The following ADGRA2 variants were observed in gnomAD, a reference collection of about 807,000 sequenced individuals.
The protein encoded by ADGRA2 is G-protein coupled receptor 124.
ADGRA2 carries 61 observed loss-of-function variants against 98.7 expected under a neutral mutation model. That is an observed-to-expected ratio of 0.62 (90% CI 0.50 to 0.76). The LOEUF is 0.76. Among genes scored for constraint, ADGRA2 ranks in the 30% least tolerant of loss-of-function variants. The pLI, the probability that ADGRA2 is intolerant of heterozygous loss-of-function variation, is 0.00. For missense variants in ADGRA2, 1,712 were observed against 1,860.0 expected (o/e 0.92, Z 1.46); for synonymous variants, 858 against 831.5 (o/e 1.03, Z -0.55).
chr8:37,813,979 A>G (rs1016450323), intron 1 of ADGRA2, among the ~76,000 whole-genome samples: 2 of 152,132 alleles, frequency 1.3e-5, no homozygotes, highest in African/African-American at 4.8e-5. Flanking sequence ...GCCTTCCCAC[A>G]TCAGTTCTCT....
rs1804538013 is a variant in ADGRA2 at position 37,802,508 on chromosome 8, G to C, written c.266+4974G>C. Among the ~76,000 whole-genome samples, 1 of 152,176 alleles carries C rather than the reference G, an allele frequency of 6.6e-6. No homozygotes were observed. Reference sequence around the variant, plus strand: ...AAGAGGCCAGAGACAGAGAAGGCCAGAGCAAGCCCAGAGACTCCAGCACCC... The same window carrying C: ...AAGAGGCCAGAGACAGAGAAGGCCACAGCAAGCCCAGAGACTCCAGCACCC... On this transcript the variant is annotated intron_variant, in intron 1 of 18. Coordinates refer to ENST00000412232, the MANE Select transcript of ADGRA2 (RefSeq NM_032777.10). The surrounding 1 kb of genome is among the most constrained non-coding windows in gnomAD (Gnocchi z 4.7).
At position 37,835,405 on chromosome 8, in the gene ADGRA2, G is replaced by A. The variant is rs146237651; in HGVS notation, c.1833+7G>A. The A allele has an allele frequency of 4.2e-4, 670 of 1,603,774 alleles. 3 individuals carry two copies. In the East Asian group the frequency reaches 8.6e-3, roughly 21 times the overall value. Reference sequence around the variant, plus strand: ...GTCGTCCTTCCACATCAAGGTGGGCGCTGGGGGAGGGAGAGGGGGTGGGAG... The same window carrying A: ...GTCGTCCTTCCACATCAAGGTGGGCACTGGGGGAGGGAGAGGGGGTGGGAG... On this transcript the variant is annotated splice_region_variant and intron_variant, in intron 12 of 18. Coordinates refer to ENST00000412232, the MANE Select transcript of ADGRA2 (RefSeq NM_032777.10).
In ADGRA2 at chr8:37,797,099, C is replaced by A; in HGVS notation, c.-170C>A. 3.2e-6 allele frequency: 1 copy of A among 309,972 alleles called. No homozygotes were observed. Among genetic ancestry groups the A allele is most frequent in the Non-Finnish European group, 5.3e-6 (1 of 188,392 alleles). The allele number at this position is 309,972 out of a possible 1,614,324, so 19.2% of individuals were successfully genotyped here. On this transcript the variant is annotated 5_prime_UTR_variant, in exon 1 of 19. Transcript: ENST00000412232. This position sits in a 1 kb window ranked among gnomAD's most constrained non-coding sequence, Gnocchi z 5.3. ...CCCGCCGGGGCGCTCGCAGGACATG[C>A]CCCCGGGGCGCGGCGGCGGGGACCC...
chr8:37,827,276 A>G lies in ADGRA2; in HGVS notation c.339-1612A>G, dbSNP rs1006094632. On this transcript the variant is annotated intron_variant, in intron 2 of 18. Transcript: ENST00000412232. ...CTGTCCCTGGCTGTGCAGGGCACAG[A>G]GGACAGGGTGAGGGAGAAGGCCAGT... 6.6e-5 allele frequency among the ~76,000 whole-genome samples: 10 copies of G among 152,248 alleles called. No individual in the cohort carries two copies. The East Asian group carries it at 1.9e-3, about 29-fold the overall frequency.
In ADGRA2 at chr8:37,833,078, C is replaced by G. The variant is rs1366103941; in HGVS notation, c.1166C>G (p.Pro389Arg). Residue 389 changes from proline to arginine, a missense_variant, in exon 9 of 19, where the codon CCC becomes CGC. By Grantham distance (103) the Pro-to-Arg change is moderately radical (BLOSUM62 -2). Transcript: ENST00000412232. ...CTGCAGTATCCCTTCACCTCAGTGCCCCTGGGCGGGGGTGCCCCGGGCACC... is the reference window on the plus strand; with the variant it reads ...CTGCAGTATCCCTTCACCTCAGTGCGCCTGGGCGGGGGTGCCCCGGGCACC... ...SCLQYPFTSVPLGGGAPGTRA... is the reference protein window; with the variant it reads ...SCLQYPFTSVRLGGGAPGTRA... The G allele has an allele frequency of 6.2e-7, 1 of 1,612,948 alleles. No individual in the cohort carries two copies. Among genetic ancestry groups the G allele is most frequent in the Admixed American group, 1.7e-5 (1 of 60,032 alleles).
At position 37,836,084 on chromosome 8, in the gene ADGRA2, CACACACACACACA is replaced by C. The variant is rs1212784581; in HGVS notation, c.2050+315_2050+327del. On this transcript the variant is annotated intron_variant, in intron 13 of 18. Transcript: ENST00000412232. ...ACACACACACACACACACACACACA[CACACACACACACA>C]CCCCACAGGCCCAATGCAGACAAGT... Among the ~76,000 whole-genome samples the C allele has an allele frequency of 6.2e-3, 924 of 148,870 alleles. 22 individuals carry two copies. The highest frequency in any genetic ancestry group is 0.019 in the African/African-American group (788 of 40,438).
intron 5 of ADGRA2, 135 bp downstream of exon 5, chr8:37,829,694 A>G (rs1381311733): frequency 3.1e-6 from 3 of 967,494 alleles, no homozygotes; most frequent in Non-Finnish European, 1.6e-6. Context: ...TGCCCCCATG[A>G]TCACCTTCCC....
chr8:37,802,439 G>C lies in ADGRA2; in HGVS notation c.266+4905G>C, dbSNP rs1585962738. Among the ~76,000 whole-genome samples, 1 of 152,192 alleles carries C rather than the reference G, an allele frequency of 6.6e-6. No individual in the cohort carries two copies. Among genetic ancestry groups the C allele is most frequent in the Admixed American group, 6.5e-5 (1 of 15,290 alleles). ...ACAGAGAGCTTTTGTGAGAGAAGAG[G>C]GGGAGGGGGAAAGAGCAAAGAAAAA... On this transcript the variant is annotated intron_variant, in intron 1 of 18. Coordinates refer to ENST00000412232, the MANE Select transcript of ADGRA2 (RefSeq NM_032777.10). This position sits in a 1 kb window ranked among gnomAD's most constrained non-coding sequence, Gnocchi z 4.7.
chr8:37,819,983 T>C (rs1805086287), intron 2 of ADGRA2, among the ~76,000 whole-genome samples: 1 of 152,188 alleles, frequency 6.6e-6, no homozygotes, highest in African/African-American at 2.4e-5. Flanking sequence ...GAAGACATTT[T>C]TTAAAAAAGG....
chr8:37,827,583 T>C (rs1805316501), intron 2 of ADGRA2, among the ~76,000 whole-genome samples: 1 of 151,880 alleles, frequency 6.6e-6, no homozygotes, highest in Non-Finnish European at 1.5e-5. Flanking sequence ...CTGGGATCCC[T>C]GGGGGGTCAC....
chr8:37,833,082 G>T lies in ADGRA2; in HGVS notation c.1170G>T (p.Leu390=), dbSNP rs1473185068. 3.7e-6 allele frequency: 6 copies of T among 1,612,692 alleles called. No homozygotes were observed. The highest frequency in any genetic ancestry group is 5.1e-6 in the Non-Finnish European group (6 of 1,179,836). The change falls in exon 9 of 19, where the codon CTG becomes CTT. Residue 390 remains leucine (L), a synonymous_variant. Transcript: ENST00000412232. ...AGTATCCCTTCACCTCAGTGCCCCTGGGCGGGGGTGCCCCGGGCACCCGAG... is the reference window on the plus strand; with the variant it reads ...AGTATCCCTTCACCTCAGTGCCCCTTGGCGGGGGTGCCCCGGGCACCCGAG... ...CLQYPFTSVP[L]GGGAPGTRAS...
intron 1 of ADGRA2, among the ~76,000 whole-genome samples, chr8:37,801,388 G>A (rs938247504): frequency 1.2e-4 from 18 of 152,156 alleles, no homozygotes; most frequent in African/African-American, 4.3e-4. Flanking sequence ...CCTCCCCCAG[G>A]GAAAAGGTCC....
chr8:37,810,100 C>G (rs1804782687), intron 1 of ADGRA2, among the ~76,000 whole-genome samples: 1 of 152,018 alleles, frequency 6.6e-6, no homozygotes, highest in Non-Finnish European at 1.5e-5. Context: ...ATGAAAGTAT[C>G]TCATTAATAA....
In ADGRA2 at chr8:37,844,484, T is replaced by C; in HGVS notation, c.*2129T>C. On this transcript the variant is annotated 3_prime_UTR_variant, in exon 19 of 19. Coordinates refer to ENST00000412232, the MANE Select transcript of ADGRA2 (RefSeq NM_032777.10). Reference sequence around the variant, plus strand: ...AACAGGATGAAGTGCTCCCAGTGGATATCCATCAGGGAGGGTTAGGGACAC... The same window carrying C: ...AACAGGATGAAGTGCTCCCAGTGGACATCCATCAGGGAGGGTTAGGGACAC... The C allele has an allele frequency of 6.2e-7, 1 of 1,611,216 alleles. No individual in the cohort carries two copies. The highest frequency in any genetic ancestry group is 2.2e-5 in the East Asian group (1 of 44,844).
Position 37,822,465 on chromosome 8 carries a change from C to T in ADGRA2, c.339-6423C>T, listed in dbSNP as rs183958655. ...AACGGCTCTAGTGAGATATAATTTACGTGCCATAAAAGTTCACCCGTTTAA... is the reference window on the plus strand; with the variant it reads ...AACGGCTCTAGTGAGATATAATTTATGTGCCATAAAAGTTCACCCGTTTAA... On this transcript the variant is annotated intron_variant, in intron 2 of 18. Transcript: ENST00000412232. Among the ~76,000 whole-genome samples the T allele has an allele frequency of 4.4e-4, 67 of 150,674 alleles. No homozygotes were observed. In the East Asian group the frequency reaches 5.8e-3, roughly 13 times the overall value.
chr8:37,797,487 C>G lies in ADGRA2; in HGVS notation c.219C>G (p.Leu73=), dbSNP rs745993378. Residue 73 remains leucine, a synonymous_variant, in exon 1 of 19, where the codon CTC becomes CTG. Coordinates refer to ENST00000412232, the MANE Select transcript of ADGRA2 (RefSeq NM_032777.10). The surrounding 1 kb of genome is among the most constrained non-coding windows in gnomAD (Gnocchi z 5.3). ...RRRVVCSGGD[L]PEPPEPGLLP... ...GGGTGGTGTGCAGCGGCGGGGACCT[C>G]CCGGAGCCTCCCGAGCCCGGCCTTC... 125 of 1,407,390 alleles carry G rather than the reference C, an allele frequency of 8.9e-5. No individual in the cohort carries two copies. The highest frequency in any genetic ancestry group is 1.2e-4 in the Non-Finnish European group (125 of 1,077,354). 87.2% of individuals were successfully genotyped at this position (1,407,390 alleles called of 1,614,324 possible). A position where few individuals can be genotyped will look rare whatever the true frequency, so the allele number is the denominator to read the frequency against.
intron 1 of ADGRA2, among the ~76,000 whole-genome samples, chr8:37,810,424 G>T (rs1019330772): frequency 2.6e-5 from 4 of 151,928 alleles, no homozygotes; most frequent in Non-Finnish European, 4.4e-5. Context: ...TAGGAGAATC[G>T]CTTGAACCCA....
intron 1 of ADGRA2, among the ~76,000 whole-genome samples, chr8:37,812,384 T>C (rs76454207): frequency 0.029 from 4,442 of 152,110 alleles, 79 homozygotes; most frequent in East Asian, 0.086. Context: ...TCCCAGCACT[T>C]TGGGAGCCCG....
intron 2 of ADGRA2, among the ~76,000 whole-genome samples, chr8:37,828,468 C>T (rs1243178921): frequency 2.1e-5 from 3 of 142,114 alleles, no homozygotes; most frequent in Non-Finnish European, 3.0e-5. Flanking sequence ...GAGGCCTGTC[C>T]GAGGGGGTGG....
Sources: allele counts gnomAD v4.1 joint callset (sites outside exome capture counted in the v4.1 genomes callset), GRCh38; gene constraint gnomAD v4.1.1; non-coding constraint Gnocchi (gnomAD v3.1); transcripts MANE v1.5; gene names NCBI Gene and HGNC (gene_info 2026-07-23, HGNC 2026-07-21).